MGMT: variants seen among roughly 807,000 people sequenced by gnomAD.
The protein encoded by MGMT is O-6-methylguanine-DNA methyltransferase.
Under a neutral mutation model 15.9 loss-of-function variants are expected in MGMT, and 14 were observed. That is an observed-to-expected ratio of 0.88 (90% CI 0.58 to 1.37). The LOEUF (loss-of-function observed/expected upper bound fraction) is 1.37, where lower values mean the gene tolerates loss of function less well. Among genes scored for constraint, MGMT ranks in the 40% most tolerant of loss-of-function variants. The pLI is 0.00. For missense variants in MGMT, 282 were observed against 268.1 expected, an observed-to-expected ratio of 1.05 and a Z score of -0.36; for synonymous variants, 130 against 118.2, an observed-to-expected ratio of 1.10 and a Z score of -0.65.
intron 2 of MGMT, among the ~76,000 whole-genome samples, chr10:129,679,476 G>T (rs954401585): frequency 6.6e-6 from 1 of 152,154 alleles, no homozygotes; most frequent in Admixed American, 6.5e-5. Context: ...CCAGGGACCC[G>T]CAAAGCACAG....
chr10:129,510,611 CAA>C (rs1156491961), intron 1 of MGMT, among the ~76,000 whole-genome samples: 1 of 152,038 alleles, frequency 6.6e-6, no homozygotes, highest in African/African-American at 2.4e-5. Context: ...AGATATGTGT[CAA>C]AGAGTTTTAG....
intron 3 of MGMT, among the ~76,000 whole-genome samples, chr10:129,731,552 C>A (rs1422077486): frequency 6.6e-6 from 1 of 151,822 alleles, no homozygotes; most frequent in Non-Finnish European, 1.5e-5. Flanking sequence ...CCCGCCACCA[C>A]ACCCGGCTGA....
At chr10:129,625,857 GT>G (rs1428996016) in intron 2 of MGMT, among the ~76,000 whole-genome samples, 2 of 152,134 alleles carry the variant, frequency 1.3e-5, no homozygotes, top group African/African-American at 4.8e-5. Flanking sequence ...CTACCTTCAA[GT>G]TTTCCCCAGC....
At chr10:129,696,228 T>G (rs56682189) in intron 2 of MGMT, among the ~76,000 whole-genome samples, 1 of 152,306 alleles carries the variant, frequency 6.6e-6, no homozygotes, top group African/African-American at 2.4e-5. Flanking sequence ...AACAGACTAT[T>G]TACAGTTACA....
intron 2 of MGMT, among the ~76,000 whole-genome samples, chr10:129,697,857 C>G (rs986222533): frequency 3.9e-5 from 6 of 152,224 alleles, no homozygotes; most frequent in African/African-American, 1.4e-4. Context: ...CTCATCTACT[C>G]TCACTGGTGG....
intron 4 of MGMT, among the ~76,000 whole-genome samples, chr10:129,761,280 C>G (rs1187783499): frequency 2.0e-5 from 3 of 152,202 alleles, no homozygotes; most frequent in Admixed American, 2.0e-4. Context: ...CTTCTCCCCA[C>G]TGAGGTGGAT....
intron 3 of MGMT, among the ~76,000 whole-genome samples, chr10:129,710,234 G>A (rs753239002): frequency 2.0e-5 from 3 of 152,218 alleles, no homozygotes; most frequent in Admixed American, 6.5e-5. Flanking sequence ...TGGCTCCCCC[G>A]TGGCCCTGCC....
At chr10:129,552,678 G>A (rs950865472) in intron 2 of MGMT, among the ~76,000 whole-genome samples, 3 of 152,214 alleles carry the variant, frequency 2.0e-5, no homozygotes, top group Non-Finnish European at 4.4e-5. Flanking sequence ...CCTTGCCCGA[G>A]TTCCTGAGAC....
At position 129,533,808 on chromosome 10, in the gene MGMT, G is replaced by A. The variant is rs1326917906; in HGVS notation, c.-12-2433G>A. 6.6e-6 allele frequency among the ~76,000 whole-genome samples: 1 copy of A among 152,206 alleles called. No homozygotes were observed. Among genetic ancestry groups the A allele is most frequent in the African/African-American group, 2.4e-5 (1 of 41,450 alleles). On this transcript the variant is annotated intron_variant, in intron 1 of 4. Coordinates refer to ENST00000651593, the MANE Select transcript of MGMT (RefSeq NM_002412.5). This position sits in a 1 kb window ranked among gnomAD's most constrained non-coding sequence, Gnocchi z 4.5. ...TGGCCCGGGATGGTGGGAGATGTCT[G>A]CAGGCGCAGGGCGGAGGCTGTGGGC...
chr10:129,558,803 C>T (rs1014268293), intron 2 of MGMT, among the ~76,000 whole-genome samples: 11 of 152,114 alleles, frequency 7.2e-5, no homozygotes, highest in African/African-American at 2.7e-4. Context: ...TGGAGCCTTT[C>T]GAAAAGTGTG....
intron 1 of MGMT, among the ~76,000 whole-genome samples, chr10:129,529,056 C>T (rs1340530359): frequency 2.0e-5 from 3 of 151,928 alleles, no homozygotes; most frequent in South Asian, 2.1e-4. Context: ...GAGAAAGTGA[C>T]GTCTGAGCAT....
intron 3 of MGMT, among the ~76,000 whole-genome samples, chr10:129,741,525 G>A (rs1008410684): frequency 2.0e-5 from 3 of 152,200 alleles, no homozygotes; most frequent in Admixed American, 6.5e-5. Flanking sequence ...TGGTGGAGGT[G>A]GTGAGTGCTG....
rs762638802 is a variant in MGMT, at chr10:129,766,823, C to T, written c.450C>T (p.Cys150=). The change falls in exon 5 of 5, where the codon TGC becomes TGT. Residue 150 remains cysteine, a synonymous_variant. Coordinates refer to ENST00000651593, the MANE Select transcript of MGMT (RefSeq NM_002412.5). Reference sequence around the variant, plus strand: ...TCATCCCGTGCCACAGAGTGGTCTGCAGCAGCGGAGCCGTGGGCAACTACT... The same window carrying T: ...TCATCCCGTGCCACAGAGTGGTCTGTAGCAGCGGAGCCGTGGGCAACTACT... The part of the protein sequence containing the change: ...PILIPCHRVV[C]SSGAVGNYSG... 1.2e-6 allele frequency: 2 copies of T among 1,613,444 alleles called. No homozygotes were observed. The highest frequency in any genetic ancestry group is 1.7e-5 in the Admixed American group (1 of 60,024).
intron 2 of MGMT, among the ~76,000 whole-genome samples, chr10:129,564,919 C>T (rs1327627441): frequency 1.3e-5 from 2 of 152,114 alleles, no homozygotes; most frequent in Non-Finnish European, 2.9e-5. Context: ...CTCAGGGTCC[C>T]TTCCTCCAGC....
Position 129,766,969 on chromosome 10 carries a change from C to T in MGMT, c.596C>T (p.Ser199Leu), listed in dbSNP as rs762983201. ...GAWLKGAGAT[S>L]GSPPAGRN ...TGGCTCAAGGGAGCGGGAGCTACCT[C>T]GGGCTCCCCGCCTGCTGGCCGAAAC... The change falls in exon 5 of 5, where the codon TCG becomes TTG. Residue 199 changes from serine (S) to leucine (L), a missense_variant. Transcript: ENST00000651593. 29 of 1,606,748 alleles carry T rather than the reference C, an allele frequency of 1.8e-5. No homozygotes were observed. Among genetic ancestry groups the T allele is most frequent in the African/African-American group, 5.3e-5 (4 of 74,802 alleles).
At chr10:129,573,381 A>G (rs978493924) in intron 2 of MGMT, among the ~76,000 whole-genome samples, 3 of 152,214 alleles carry the variant, frequency 2.0e-5, no homozygotes, top group African/African-American at 4.8e-5. Flanking sequence ...AACAGCTTAC[A>G]TAACCATAGT....
intron 3 of MGMT, among the ~76,000 whole-genome samples, chr10:129,716,062 C>T (rs562397419): frequency 6.6e-5 from 10 of 152,284 alleles, no homozygotes; most frequent in East Asian, 1.9e-4. Flanking sequence ...GAGGCTCAGC[C>T]GGAACGTCTC....
intron 2 of MGMT, 111 bp downstream of exon 2, chr10:129,536,488 C>A: frequency 7.5e-7 from 1 of 1,329,198 alleles, no homozygotes; most frequent in Non-Finnish European, 1.0e-6. Flanking sequence ...TAGCCTTACC[C>A]CCACAACCGC....
intron 1 of MGMT, among the ~76,000 whole-genome samples, chr10:129,504,777 G>T (rs1386167825): frequency 6.6e-6 from 1 of 152,132 alleles, no homozygotes; most frequent in Non-Finnish European, 1.5e-5. Context: ...TGAGATTTTG[G>T]TTCCCACTGT....
Sources: gnomAD v4.1 joint callset for allele counts (sites outside exome capture counted in the v4.1 genomes callset) on GRCh38, gnomAD v4.1.1 for gene constraint, Gnocchi (gnomAD v3.1) non-coding constraint, MANE v1.5 for transcripts, NCBI Gene and HGNC (gene_info 2026-07-23, HGNC 2026-07-21) for gene names.